RAD54L2: variants seen among roughly 807,000 people sequenced by gnomAD.
The protein encoded by RAD54L2 is RAD54 like 2.
Under a neutral mutation model 138.4 loss-of-function variants are expected in RAD54L2, and 27 were observed. The ratio of observed to expected loss-of-function variants is 0.20; its 90% CI spans 0.14 to 0.27. The LOEUF is 0.27. Ranked by LOEUF, RAD54L2 falls within the 10% of genes least tolerant of loss-of-function variation. The pLI is 1.00. For missense variants in RAD54L2, 1,396 were observed against 1,890.2 expected, an observed-to-expected ratio of 0.74 and a Z score of 4.85; for synonymous variants, 644 against 723.2, an observed-to-expected ratio of 0.89 and a Z score of 1.76.
At chr3:51,634,357 G>GA (rs1302526325) in intron 9 of RAD54L2, among the ~76,000 whole-genome samples, 21 of 122,596 alleles carry the variant, frequency 1.7e-4, no homozygotes, top group Admixed American at 3.3e-4. Flanking sequence ...TCCACTGTCT[G>GA]ATTTTTTTTT....
intron 2 of RAD54L2, among the ~76,000 whole-genome samples, chr3:51,585,413 G>C (rs1699688881): frequency 6.6e-6 from 1 of 152,166 alleles, no homozygotes; most frequent in South Asian, 2.1e-4. Flanking sequence ...GGAGTCTTAT[G>C]ATTTCAGTGT....
intron 19 of RAD54L2, among the ~76,000 whole-genome samples, chr3:51,650,624 T>TA (rs1421244424): frequency 6.6e-6 from 1 of 152,120 alleles, no homozygotes; most frequent in Non-Finnish European, 1.5e-5. Flanking sequence ...AACTCAGGAT[T>TA]AAAAAACTCA....
At chr3:51,633,826 G>T in intron 8 of RAD54L2, 67 bp downstream of exon 8, 1 of 1,603,274 alleles carries the variant, frequency 6.2e-7, no homozygotes, top group East Asian at 2.2e-5. Context: ...GCCTTTACTG[G>T]GCACCAAAAA....
intron 3 of RAD54L2, among the ~76,000 whole-genome samples, chr3:51,618,821 A>G (rs1246779231): frequency 1.3e-5 from 2 of 152,102 alleles, no homozygotes; most frequent in African/African-American, 2.4e-5. Context: ...AAATAAAACA[A>G]TATCTTCTAT....
chr3:51,634,494 C>T (rs886231601), intron 9 of RAD54L2, among the ~76,000 whole-genome samples: 2 of 151,492 alleles, frequency 1.3e-5, no homozygotes, highest in Non-Finnish European at 2.9e-5. Flanking sequence ...CTCAGCCTCC[C>T]GAGTAGCTGG....
chr3:51,618,198 C>T (rs910767694), intron 3 of RAD54L2, among the ~76,000 whole-genome samples: 7 of 149,774 alleles, frequency 4.7e-5, no homozygotes, highest in African/African-American at 9.9e-5. Flanking sequence ...AGGATGGTCT[C>T]GCTCTCCTGA....
intron 2 of RAD54L2, among the ~76,000 whole-genome samples, chr3:51,586,688 C>T (rs1208771446): frequency 2.0e-5 from 3 of 151,556 alleles, no homozygotes; most frequent in Admixed American, 6.6e-5. Flanking sequence ...TCTGCTTCAG[C>T]GTCCCGAGTA....
chr3:51,556,987 A>T (rs1253079587), intron 2 of RAD54L2, among the ~76,000 whole-genome samples: 1 of 151,984 alleles, frequency 6.6e-6, no homozygotes, highest in East Asian at 1.9e-4. Context: ...CCTGATGTTT[A>T]TTCTCCCTTG....
intron 19 of RAD54L2, among the ~76,000 whole-genome samples, chr3:51,653,244 C>T (rs918152924): frequency 2.7e-4 from 41 of 152,292 alleles, no homozygotes; most frequent in African/African-American, 9.6e-4. Flanking sequence ...CCATCTCACA[C>T]CAGTTAGAAT....
intron 3 of RAD54L2, among the ~76,000 whole-genome samples, chr3:51,609,825 T>C (rs1700289116): frequency 6.6e-6 from 1 of 151,936 alleles, no homozygotes; most frequent in Non-Finnish European, 1.5e-5. Context: ...TCTTTGCCCA[T>C]TCCTTCTTAA....
chr3:51,645,164 T>C lies in RAD54L2; in HGVS notation c.2591T>C (p.Leu864Pro). 6.2e-7 allele frequency: 1 copy of C among 1,613,966 alleles called. No homozygotes were observed. Among genetic ancestry groups the C allele is most frequent in the Non-Finnish European group, 8.5e-7 (1 of 1,179,872 alleles). Residue 864 changes from leucine (L) to proline (P), a missense_variant, in exon 17 of 23, where the codon CTT becomes CCT. Around this residue, in one of 7 missense-constraint regions of RAD54L2, gnomAD observed 78 missense variants for 171.6 expected, o/e 0.45. Transcript: ENST00000684192. The surrounding 1 kb of genome is among the most constrained non-coding windows in gnomAD (Gnocchi z 6.1). The stretch of plus-strand genomic sequence containing the variant: ...AAAAAGCCCTGTTACATCTATCGCC[T>C]TGTGGCTGATTACACTCTAGAAAAG... Reference protein sequence around the residue: ...GQKKPCYIYRLVADYTLEKKI... With the variant: ...GQKKPCYIYRPVADYTLEKKI...
intron 3 of RAD54L2, among the ~76,000 whole-genome samples, chr3:51,624,767 T>A (rs1700640434): frequency 6.6e-6 from 1 of 152,202 alleles, no homozygotes; most frequent in Non-Finnish European, 1.5e-5. Context: ...GTTTTGAACT[T>A]CATGCTGTTC....
chr3:51,550,105 A>G (rs1246845085), intron 2 of RAD54L2, among the ~76,000 whole-genome samples: 1 of 152,094 alleles, frequency 6.6e-6, no homozygotes, highest in Non-Finnish European at 1.5e-5. Context: ...CAGTCAGGAA[A>G]ATGAGCTGTC....
intron 2 of RAD54L2, among the ~76,000 whole-genome samples, chr3:51,571,744 A>C (rs1265752618): frequency 1.3e-5 from 2 of 152,186 alleles, no homozygotes; most frequent in African/African-American, 4.8e-5. Flanking sequence ...GCACACGCAC[A>C]TGGCATTTTC....
At chr3:51,586,427 CTTTG>C (rs1298533379) in intron 2 of RAD54L2, among the ~76,000 whole-genome samples, 2 of 149,692 alleles carry the variant, frequency 1.3e-5, no homozygotes, top group African/African-American at 4.9e-5. Flanking sequence ...TCTTTGTTGC[CTTTG>C]TTTTTTTTTT....
intron 3 of RAD54L2, among the ~76,000 whole-genome samples, chr3:51,615,513 C>G (rs1700426883): frequency 6.6e-6 from 1 of 152,082 alleles, no homozygotes; most frequent in African/African-American, 2.4e-5. Context: ...TAAAACTAAG[C>G]TCATTTAAAA....
chr3:51,555,699 A>G (rs1419312788), intron 2 of RAD54L2, among the ~76,000 whole-genome samples: 4 of 152,060 alleles, frequency 2.6e-5, no homozygotes, highest in African/African-American at 7.2e-5. Context: ...ACCTGTTGAA[A>G]CCGTGCCTTG....
intron 2 of RAD54L2, among the ~76,000 whole-genome samples, chr3:51,560,666 G>A (rs1366020680): frequency 6.6e-6 from 1 of 151,944 alleles, no homozygotes; most frequent in Non-Finnish European, 1.5e-5. Flanking sequence ...CCCCCAAATA[G>A]TTTTCAAATC....
At chr3:51,586,765 C>T (rs1031190151) in intron 2 of RAD54L2, among the ~76,000 whole-genome samples, 1 of 151,814 alleles carries the variant, frequency 6.6e-6, no homozygotes, top group African/African-American at 2.4e-5. Flanking sequence ...ATGGGGGTTT[C>T]ACCATGTTGT....
Sources: gnomAD v4.1 joint callset for allele counts (sites outside exome capture counted in the v4.1 genomes callset) on GRCh38, gnomAD v4.1.1 for gene constraint, gnomAD v4.1.1 regional missense constraint, Gnocchi (gnomAD v3.1) non-coding constraint, MANE v1.5 for transcripts, NCBI Gene and HGNC (gene_info 2026-07-23, HGNC 2026-07-21) for gene names.